The following MAP3K19 variants were observed in gnomAD, a reference collection of about 807,000 sequenced individuals.
MAP3K19 encodes the protein mitogen-activated protein kinase kinase kinase 19.
In MAP3K19, 91 loss-of-function variants were observed where a neutral mutation model predicts 114.4. The observed-to-expected ratio is 0.80, with a 90% CI of 0.67 to 0.95. The LOEUF (loss-of-function observed/expected upper bound fraction) is 0.95, where lower values mean the gene tolerates loss of function less well. MAP3K19 is among the 40% of genes least tolerant of loss of function. The pLI, the probability that MAP3K19 is intolerant of heterozygous loss-of-function variation, is 0.00. For synonymous variants in MAP3K19, 518 were observed against 530.5 expected (o/e 0.98, Z 0.32); for missense variants, 1,471 against 1,573.2 (o/e 0.94, Z 1.10).
At chr2:135,045,480 C>T (rs1040683294) in intron 1 of MAP3K19, among the ~76,000 whole-genome samples, 6 of 151,866 alleles carry the variant, frequency 4.0e-5, no homozygotes, top group Admixed American at 6.6e-5. Context: ...AAAGGTTTTC[C>T]GAAACAAAGG....
chr2:135,031,015 G>A (rs1045760322), intron 2 of MAP3K19, among the ~76,000 whole-genome samples: 1 of 152,138 alleles, frequency 6.6e-6, no homozygotes, highest in Non-Finnish European at 1.5e-5. Context: ...TAGAAAGAGA[G>A]TAAACTCTAT....
At position 134,986,934 on chromosome 2, in the gene MAP3K19, A is replaced by G. The variant is rs953291816; in HGVS notation, c.1938T>C (p.Tyr646=). The G allele has an allele frequency of 5.0e-6, 8 of 1,614,156 alleles. No individual in the cohort carries two copies. The East Asian group carries it at 1.6e-4, about 31-fold the overall frequency. ...EPRLNYLDLK[Y]SDMFKEINST... is the part of the protein sequence containing the mutation. Reference sequence around the variant, plus strand: ...AATTGATTTCTTTGAACATATCACTATACTTAAGATCTAGGTAATTTAGTC... The same window carrying G: ...AATTGATTTCTTTGAACATATCACTGTACTTAAGATCTAGGTAATTTAGTC... Residue 646 remains tyrosine (Y), a synonymous_variant, in exon 10 of 13, where the codon TAT becomes TAC. Coordinates refer to ENST00000392915, the MANE Select transcript of MAP3K19 (RefSeq NM_025052.5).
In MAP3K19 at chr2:134,986,410, TCAC is replaced by T; in HGVS notation, c.2459_2461del (p.Gly820del). On this transcript the variant is annotated inframe_deletion, in exon 10 of 13. Coordinates refer to ENST00000392915, the MANE Select transcript of MAP3K19 (RefSeq NM_025052.5). ...TATTTGATTGTTAGAAATGTCTCTA[TCAC>T]CAGTAGACTCTTCCATAGAAACTTC... The T allele has an allele frequency of 6.2e-7, 1 of 1,613,928 alleles. No homozygotes were observed.
At chr2:135,000,482 G>A (rs377491076) in intron 6 of MAP3K19, among the ~76,000 whole-genome samples, 1 of 152,152 alleles carries the variant, frequency 6.6e-6, no homozygotes, top group Non-Finnish European at 1.5e-5. Context: ...TAGAATACGC[G>A]CTTGCTCACA....
intron 5 of MAP3K19, among the ~76,000 whole-genome samples, chr2:135,007,921 G>A (rs1686946042): frequency 1.3e-5 from 2 of 152,080 alleles, no homozygotes; most frequent in African/African-American, 4.8e-5. Context: ...GACAACCAAA[G>A]AGCAAACACT....
chr2:134,986,116 G>A lies in MAP3K19; in HGVS notation c.2756C>T (p.Thr919Ile). ...CAAATAATGTACCCAATATTGATATGTCTGGGAAGATGCACTTTCTTGTTT... is the reference window on the plus strand; with the variant it reads ...CAAATAATGTACCCAATATTGATATATCTGGGAAGATGCACTTTCTTGTTT... ...QAKQESASSQ[T>I]YQYWVHYLDH... The change falls in exon 10 of 13, where the codon ACA becomes ATA. Residue 919 changes from threonine (T) to isoleucine (I), a missense_variant. Coordinates refer to ENST00000392915, the MANE Select transcript of MAP3K19 (RefSeq NM_025052.5). 6.2e-7 allele frequency: 1 copy of A among 1,613,924 alleles called. No individual in the cohort carries two copies. Among genetic ancestry groups the A allele is most frequent in the East Asian group, 2.2e-5 (1 of 44,880 alleles).
intron 6 of MAP3K19, among the ~76,000 whole-genome samples, chr2:135,002,368 A>G (rs1481197114): frequency 6.6e-6 from 1 of 152,170 alleles, no homozygotes; most frequent in Non-Finnish European, 1.5e-5. Flanking sequence ...ATTTCAATAA[A>G]GAAAAATTAT....
At chr2:135,007,024 C>T (rs558464275) in intron 5 of MAP3K19, among the ~76,000 whole-genome samples, 60 of 151,928 alleles carry the variant, frequency 3.9e-4, no homozygotes, top group African/African-American at 1.3e-3. Context: ...ATTAGCCAGG[C>T]ATGGTGGCAC....
chr2:135,005,875 C>T (rs1439114785), intron 5 of MAP3K19, among the ~76,000 whole-genome samples: 6 of 152,152 alleles, frequency 3.9e-5, no homozygotes, highest in Non-Finnish European at 7.4e-5. Flanking sequence ...CCTTTGGCCA[C>T]AGTCACAGTG....
At chr2:135,027,671 T>C (rs866180598) in intron 3 of MAP3K19, among the ~76,000 whole-genome samples, 1 of 152,240 alleles carries the variant, frequency 6.6e-6, no homozygotes, top group Non-Finnish European at 1.5e-5. Context: ...GAAATTTATA[T>C]CCAGGAACTC....
At chr2:134,974,633 T>C (rs112896581) in intron 12 of MAP3K19, among the ~76,000 whole-genome samples, 7 of 152,318 alleles carry the variant, frequency 4.6e-5, no homozygotes, top group African/African-American at 1.7e-4. Flanking sequence ...ACAATCAAAA[T>C]TGTATATCTG....
At chr2:135,044,702 C>T (rs1241723761) in intron 1 of MAP3K19, among the ~76,000 whole-genome samples, 1 of 152,184 alleles carries the variant, frequency 6.6e-6, no homozygotes, top group East Asian at 1.9e-4. Context: ...TGGGGATGAG[C>T]TCATCATTAC....
At chr2:134,988,551 C>T (rs1332963816) in intron 9 of MAP3K19, among the ~76,000 whole-genome samples, 1 of 151,930 alleles carries the variant, frequency 6.6e-6, no homozygotes, top group Admixed American at 6.6e-5. Flanking sequence ...CCACTATGCT[C>T]GGCTAATGTT....
At chr2:134,970,647 G>T (rs1683807500) in intron 12 of MAP3K19, among the ~76,000 whole-genome samples, 1 of 149,074 alleles carries the variant, frequency 6.7e-6, no homozygotes, top group Non-Finnish European at 1.5e-5. Context: ...GCCCAGGCTG[G>T]AGTGCAGTGG....
chr2:135,006,777 T>C (rs1686844011), intron 5 of MAP3K19, among the ~76,000 whole-genome samples: 1 of 148,834 alleles, frequency 6.7e-6, no homozygotes, highest in African/African-American at 2.5e-5. Flanking sequence ...GCCACTGCAC[T>C]CCAGCCTGGG....
chr2:134,978,826 T>C (rs1306801663), intron 12 of MAP3K19, among the ~76,000 whole-genome samples: 2 of 152,196 alleles, frequency 1.3e-5, no homozygotes, highest in Non-Finnish European at 2.9e-5. Context: ...GGCCCTTCAA[T>C]ACATTGCCAT....
intron 5 of MAP3K19, among the ~76,000 whole-genome samples, chr2:135,011,398 G>A (rs1356666004): frequency 6.6e-6 from 1 of 151,928 alleles, no homozygotes; most frequent in Non-Finnish European, 1.5e-5. Context: ...TTAGCCAGGC[G>A]TAGTGGCGGG....
At chr2:134,982,136 G>T (rs1412957737) in intron 11 of MAP3K19, among the ~76,000 whole-genome samples, 6 of 83,138 alleles carry the variant, frequency 7.2e-5, no homozygotes, top group Admixed American at 1.3e-4. Context: ...TTTTTTTTTG[G>T]AGACAGAGTC....
intron 5 of MAP3K19, among the ~76,000 whole-genome samples, chr2:135,015,876 A>C (rs4346445): frequency 0.25 from 37,705 of 151,388 alleles, 6,074 homozygotes; most frequent in African/African-American, 0.43. Context: ...CTGGCAACAG[A>C]GCGAGCCTCC....
Sources: gnomAD v4.1 joint callset for allele counts (sites outside exome capture counted in the v4.1 genomes callset) on GRCh38, gnomAD v4.1.1 for gene constraint, MANE v1.5 for transcripts, NCBI Gene and HGNC (gene_info 2026-07-23, HGNC 2026-07-21) for gene names.